Variants in ARID4B observed in about 807,000 individuals in gnomAD.
ARID4B encodes AT-rich interaction domain 4B.
In ARID4B, 26 loss-of-function variants were observed where a neutral mutation model predicts 147.5. That is an observed-to-expected ratio of 0.18 (90% CI 0.13 to 0.24). The LOEUF (loss-of-function observed/expected upper bound fraction) is 0.24. Among genes scored for constraint, ARID4B ranks in the 10% least tolerant of loss-of-function variants. ARID4B has a pLI of 1.00. For missense variants in ARID4B, 1,179 were observed against 1,511.5 expected, an observed-to-expected ratio of 0.78 and a Z score of 3.65; for synonymous variants, 512 against 507.9, an observed-to-expected ratio of 1.01 and a Z score of -0.11.
chr1:235,272,428 A>T (rs1671051870), intron 2 of ARID4B, among the ~76,000 whole-genome samples: 1 of 152,232 alleles, frequency 6.6e-6, no homozygotes, highest in Non-Finnish European at 1.5e-5. Flanking sequence ...AACACAAAAA[A>T]GATTAGACAT....
chr1:235,261,510 T>C (rs1280931987), intron 2 of ARID4B, among the ~76,000 whole-genome samples: 3 of 151,914 alleles, frequency 2.0e-5, no homozygotes, highest in Admixed American at 6.6e-5. Flanking sequence ...GGCCACAGAG[T>C]AAGACCCTGT....
At chr1:235,253,020 T>C (rs1398155710) in intron 5 of ARID4B, among the ~76,000 whole-genome samples, 2 of 152,144 alleles carry the variant, frequency 1.3e-5, no homozygotes, top group Non-Finnish European at 2.9e-5. Context: ...AAACAACATA[T>C]ATGAAATGAA....
chr1:235,188,877 C>T lies in ARID4B; in HGVS notation c.2125+5136G>A, dbSNP rs146390474. 9.3e-4 allele frequency among the ~76,000 whole-genome samples: 141 copies of T among 152,236 alleles called. 1 individual carries two copies. In the Middle Eastern group the frequency reaches 0.01, roughly 11 times the overall value. ...CAATTTCCAAATCAGTTTAGTCTTT[C>T]CTTCATAATCATAAGACAGCCAGGA... is the stretch of plus-strand genomic sequence containing the variant. On this transcript the variant is annotated intron_variant, in intron 19 of 23. Transcript: ENST00000264183.
rs1175996354 is a variant in ARID4B, at chr1:235,230,594, T to TAAAAAAAAAAAAAAA, written c.742+504_742+518dup. 1.4e-3 allele frequency among the ~76,000 whole-genome samples: 81 copies of TAAAAAAAAAAAAAAA among 58,366 alleles called. 1 individual carries two copies. The highest frequency in any genetic ancestry group is 5.1e-3 in the African/African-American group (76 of 14,974). The allele number at this position is 58,366 out of a possible 152,430, so 38.3% of individuals were successfully genotyped here. Reference sequence around the variant, plus strand: ...TAGATTATTATGCCTGACTATAAGCTAAAAAAAAAAAAAAAAAAAAAACCA... The same window carrying TAAAAAAAAAAAAAAA: ...TAGATTATTATGCCTGACTATAAGCTAAAAAAAAAAAAAAAAAAAAAAAAAAAAAAAAAAAAACCA... On this transcript the variant is annotated intron_variant, in intron 10 of 23. Transcript: ENST00000264183.
At chr1:235,321,042 CTT>C (rs1256512440) in intron 2 of ARID4B, among the ~76,000 whole-genome samples, 1 of 152,152 alleles carries the variant, frequency 6.6e-6, no homozygotes, top group Non-Finnish European at 1.5e-5. Context: ...GGTAAGAACT[CTT>C]GTTCTATTCA....
intron 20 of ARID4B, among the ~76,000 whole-genome samples, chr1:235,179,932 T>C (rs1267392598): frequency 2.0e-5 from 3 of 151,246 alleles, no homozygotes; most frequent in South Asian, 2.1e-4. Context: ...TAGCTGGGCA[T>C]GGTGGCACAC....
intron 2 of ARID4B, among the ~76,000 whole-genome samples, chr1:235,265,428 G>A (rs1351539808): frequency 6.6e-6 from 1 of 151,866 alleles, no homozygotes; most frequent in Non-Finnish European, 1.5e-5. Flanking sequence ...GCCAAGCACA[G>A]TGGCTCACAC....
intron 8 of ARID4B, among the ~76,000 whole-genome samples, chr1:235,236,654 T>C (rs1466690246): frequency 6.8e-6 from 1 of 147,200 alleles, no homozygotes; most frequent in African/African-American, 2.5e-5. Flanking sequence ...GCTGGGATTA[T>C]AGGCTCCCGC....
intron 19 of ARID4B, among the ~76,000 whole-genome samples, chr1:235,188,303 A>G (rs1457020729): frequency 6.6e-6 from 1 of 152,202 alleles, no homozygotes; most frequent in Non-Finnish European, 1.5e-5. Flanking sequence ...AAAGAAGGCT[A>G]AACCTCATAC....
At chr1:235,244,508 A>G (rs756869654) in intron 7 of ARID4B, among the ~76,000 whole-genome samples, 7 of 152,158 alleles carry the variant, frequency 4.6e-5, no homozygotes, top group Non-Finnish European at 7.4e-5. Context: ...AGAGGATGAT[A>G]ATCATTAAAA....
chr1:235,220,900 G>T lies in ARID4B; in HGVS notation c.1164-355C>A, dbSNP rs1231992254. 2.0e-3 allele frequency among the ~76,000 whole-genome samples: 292 copies of T among 145,556 alleles called. 1 individual carries two copies. Among genetic ancestry groups the T allele is most frequent in the African/African-American group, 6.1e-3 (242 of 39,666 alleles). Reference sequence around the variant, plus strand: ...CAGCATCCTTTTTTTGTTTTTTTTTGTTTTTTTTTGTTTTTTTGAGACAGC... The same window carrying T: ...CAGCATCCTTTTTTTGTTTTTTTTTTTTTTTTTTTGTTTTTTTGAGACAGC... On this transcript the variant is annotated intron_variant, in intron 14 of 23. Transcript: ENST00000264183.
At chr1:235,280,553 A>T (rs1302375187) in intron 2 of ARID4B, among the ~76,000 whole-genome samples, 2 of 152,256 alleles carry the variant, frequency 1.3e-5, no homozygotes, top group Non-Finnish European at 2.9e-5. Context: ...CGCCACGCAA[A>T]CGGCTCCTGC....
chr1:235,244,551 G>A (rs1208316856), intron 7 of ARID4B, among the ~76,000 whole-genome samples: 1 of 151,930 alleles, frequency 6.6e-6, no homozygotes, highest in Non-Finnish European at 1.5e-5. Context: ...AGGATTAAAG[G>A]TAGAATATAC....
At chr1:235,172,533 G>A (rs542018138) in intron 23 of ARID4B, 85 bp downstream of exon 23, 1 of 931,892 alleles carries the variant, frequency 1.1e-6, no homozygotes, top group East Asian at 3.0e-5. Context: ...AGCCGAGATT[G>A]CGCCATTGCA....
chr1:235,178,622 CTG>C (rs1206463825), intron 20 of ARID4B, among the ~76,000 whole-genome samples: 1 of 152,190 alleles, frequency 6.6e-6, no homozygotes, highest in Non-Finnish European at 1.5e-5. Context: ...CTACTCTGAA[CTG>C]TAGCATTTTT....
chr1:235,254,913 T>G (rs1008715345), intron 5 of ARID4B, among the ~76,000 whole-genome samples: 1 of 151,914 alleles, frequency 6.6e-6, no homozygotes, highest in Non-Finnish European at 1.5e-5. Flanking sequence ...AGCAAAAAAT[T>G]TTTTTAAATG....
At chr1:235,184,769 C>G (rs1264586873) in intron 19 of ARID4B, among the ~76,000 whole-genome samples, 2 of 152,100 alleles carry the variant, frequency 1.3e-5, no homozygotes, top group Non-Finnish European at 2.9e-5. Context: ...GTGTTAACAT[C>G]TGATAGTTAT....
chr1:235,261,562 G>A (rs951148474), intron 2 of ARID4B, among the ~76,000 whole-genome samples: 3 of 152,022 alleles, frequency 2.0e-5, no homozygotes, highest in African/African-American at 7.2e-5. Context: ...TAGCATACAA[G>A]GGAGAAAAGT....
At chr1:235,261,636 T>C (rs901412348) in intron 2 of ARID4B, among the ~76,000 whole-genome samples, 20 of 152,242 alleles carry the variant, frequency 1.3e-4, no homozygotes, top group African/African-American at 4.1e-4. Flanking sequence ...CTCAAAACTT[T>C]GAAGCCAAAA....
Sources: allele counts gnomAD v4.1 joint callset (sites outside exome capture counted in the v4.1 genomes callset), GRCh38; gene constraint gnomAD v4.1.1; transcripts MANE v1.5; gene names NCBI Gene and HGNC (gene_info 2026-07-23, HGNC 2026-07-21).